MALRD1: variants seen among roughly 807,000 people sequenced by gnomAD.
The protein encoded by MALRD1 is MAM and LDL-receptor class A domain-containing protein 1.
MALRD1 carries 247 observed loss-of-function variants against 242.1 expected under a neutral mutation model. That is an observed-to-expected ratio of 1.02 (90% confidence interval 0.92 to 1.13). The LOEUF (loss-of-function observed/expected upper bound fraction) is 1.13. Among genes scored for constraint, MALRD1 ranks in the 50% most tolerant of loss-of-function variants. The probability of loss-of-function intolerance (pLI) is 0.00; values close to 1 mark genes in which losing one functional copy is unlikely to be tolerated. For synonymous variants in MALRD1, 995 were observed against 866.6 expected (o/e 1.15, Z -2.60); for missense variants, 2,989 against 2,533.1 (o/e 1.18, Z -3.86).
intron 21 of MALRD1, among the ~76,000 whole-genome samples, chr10:19,319,285 CT>C (rs1460603630): frequency 1.3e-5 from 2 of 151,952 alleles, no homozygotes; most frequent in African/African-American, 4.8e-5. Context: ...TATAATCTAC[CT>C]GGAATTTATT....
Position 19,498,639 on chromosome 10 carries a change from C to A in MALRD1, c.5313C>A (p.His1771Gln). The A allele has an allele frequency of 6.5e-7, 1 of 1,549,586 alleles. No homozygotes were observed. Among genetic ancestry groups the A allele is most frequent in the East Asian group, 2.4e-5 (1 of 40,894 alleles). ...AAGCATTAATTCCAGACTCTGATCA[C>A]ACGCCAGGTAAATCTAGTAGCCATC... ...PAKALIPDSD[H>Q]TPGSGQHFLY... is the part of the protein sequence containing the mutation. Residue 1771 changes from histidine to glutamine, a missense_variant, in exon 31 of 40, where the codon CAC becomes CAA. Coordinates refer to ENST00000454679, the MANE Select transcript of MALRD1 (RefSeq NM_001142308.3).
chr10:19,541,235 AG>A (rs1322887456), intron 32 of MALRD1, among the ~76,000 whole-genome samples: 2 of 152,180 alleles, frequency 1.3e-5, no homozygotes, highest in Non-Finnish European at 2.9e-5. Flanking sequence ...TGTTTTTACA[AG>A]TGGTGTTAAA....
At chr10:19,108,086 T>G (rs529385000) in intron 5 of MALRD1, among the ~76,000 whole-genome samples, 5 of 152,334 alleles carry the variant, frequency 3.3e-5, no homozygotes, top group Admixed American at 3.3e-4. Flanking sequence ...AAGATTGCTG[T>G]GCCTTTCTTC....
intron 29 of MALRD1, among the ~76,000 whole-genome samples, chr10:19,465,650 C>A (rs1244708990): frequency 6.6e-6 from 1 of 152,156 alleles, no homozygotes; most frequent in Non-Finnish European, 1.5e-5. Flanking sequence ...CCCACCTCAG[C>A]CTCTCAAGTA....
At chr10:19,076,526 G>C (rs1835323482) in intron 2 of MALRD1, among the ~76,000 whole-genome samples, 1 of 151,912 alleles carries the variant, frequency 6.6e-6, no homozygotes. Context: ...CCAGTTGTCT[G>C]AGCACCATAT....
intron 28 of MALRD1, among the ~76,000 whole-genome samples, chr10:19,392,870 G>C (rs767147177): frequency 1.3e-5 from 2 of 152,116 alleles, no homozygotes; most frequent in African/African-American, 2.4e-5. Flanking sequence ...GGTTTACTAG[G>C]TAGGATGATT....
At chr10:19,470,498 A>G (rs1836440373) in intron 29 of MALRD1, among the ~76,000 whole-genome samples, 1 of 151,878 alleles carries the variant, frequency 6.6e-6, no homozygotes, top group African/African-American at 2.4e-5. Flanking sequence ...TTTATTTTTA[A>G]TTTTTTAAGG....
intron 36 of MALRD1, among the ~76,000 whole-genome samples, chr10:19,656,837 A>T (rs533765905): frequency 6.6e-5 from 10 of 152,250 alleles, no homozygotes; most frequent in Admixed American, 6.5e-4. Context: ...TCTTTTCATT[A>T]TGACACACAC....
At chr10:19,519,245 A>G (rs932089976) in intron 31 of MALRD1, among the ~76,000 whole-genome samples, 1 of 152,046 alleles carries the variant, frequency 6.6e-6, no homozygotes, top group Non-Finnish European at 1.5e-5. Context: ...CACTATGAAT[A>G]TCAGTTTTTT....
chr10:19,564,998 G>A (rs536468229), intron 32 of MALRD1, among the ~76,000 whole-genome samples: 11 of 152,150 alleles, frequency 7.2e-5, no homozygotes, highest in South Asian at 2.1e-4. Context: ...AACACTTGAC[G>A]TAACATGTAA....
chr10:19,155,383 A>T (rs1834106274), intron 12 of MALRD1, among the ~76,000 whole-genome samples: 1 of 152,220 alleles, frequency 6.6e-6, no homozygotes, highest in African/African-American at 2.4e-5. Flanking sequence ...GGGCTATTAA[A>T]GCTTTCTGTT....
At position 19,191,054 on chromosome 10, in the gene MALRD1, A is replaced by G. The variant is rs184836836; in HGVS notation, c.1952-12674A>G. Among the ~76,000 whole-genome samples, 73 of 152,358 alleles carry G rather than the reference A, an allele frequency of 4.8e-4. 2 individuals are homozygous for G. Among genetic ancestry groups the G allele is most frequent in the Admixed American group, 4.2e-3 (65 of 15,300 alleles). ...GGGAGAAACTTTTTGCAAATTGTAT[A>G]TCTGATAAGGGATTGATATCCACAA... On this transcript the variant is annotated intron_variant, in intron 14 of 39. Coordinates refer to ENST00000454679, the MANE Select transcript of MALRD1 (RefSeq NM_001142308.3).
intron 13 of MALRD1, 25 bp downstream of exon 13, chr10:19,165,835 A>G (rs1834665899): frequency 8.1e-7 from 1 of 1,229,448 alleles, no homozygotes; most frequent in East Asian, 3.2e-5. Context: ...AATTAATACA[A>G]CTCAACAGAA....
intron 28 of MALRD1, among the ~76,000 whole-genome samples, chr10:19,396,781 CAT>C (rs1263849573): frequency 1.3e-5 from 2 of 152,126 alleles, no homozygotes; most frequent in South Asian, 4.1e-4. Flanking sequence ...GTATTCCACA[CAT>C]GTTACAGAGG....
intron 21 of MALRD1, among the ~76,000 whole-genome samples, chr10:19,312,210 T>C (rs1042949504): frequency 6.6e-6 from 1 of 151,294 alleles, no homozygotes; most frequent in Admixed American, 6.6e-5. Flanking sequence ...AATGTGACTG[T>C]GAGGAGGTTA....
At chr10:19,458,822 TG>T (rs1835792785) in intron 29 of MALRD1, among the ~76,000 whole-genome samples, 1 of 152,136 alleles carries the variant, frequency 6.6e-6, no homozygotes, top group African/African-American at 2.4e-5. Flanking sequence ...TATCTACATC[TG>T]CCTCATCTTC....
chr10:19,462,487 G>A (rs1312037137), intron 29 of MALRD1, among the ~76,000 whole-genome samples: 1 of 152,238 alleles, frequency 6.6e-6, no homozygotes, highest in Non-Finnish European at 1.5e-5. Flanking sequence ...CTACAGTGAA[G>A]TGTTCTCCCT....
chr10:19,468,156 A>G (rs1265922684), intron 29 of MALRD1, among the ~76,000 whole-genome samples: 1 of 152,154 alleles, frequency 6.6e-6, no homozygotes, highest in Non-Finnish European at 1.5e-5. Flanking sequence ...TCCTGTATTC[A>G]TTTTAGTTGT....
chr10:19,574,911 T>G (rs1836733899), intron 33 of MALRD1, among the ~76,000 whole-genome samples: 3 of 152,166 alleles, frequency 2.0e-5, no homozygotes, highest in Admixed American at 2.0e-4. Flanking sequence ...TGCAGAAGAC[T>G]TCTCACTACT....
Sources: allele counts gnomAD v4.1 joint callset (sites outside exome capture counted in the v4.1 genomes callset), GRCh38; gene constraint gnomAD v4.1.1; transcripts MANE v1.5; gene names NCBI Gene and HGNC (gene_info 2026-07-23, HGNC 2026-07-21).